Variants in RPTOR observed in about 807,000 individuals in gnomAD.
RPTOR encodes regulatory associated protein of MTOR complex 1.
A neutral mutation model predicts 169.9 loss-of-function variants in RPTOR; 21 were observed. The observed-to-expected ratio is 0.12, with a 90% CI of 0.09 to 0.18. The LOEUF is 0.18. Among genes scored for constraint, RPTOR ranks in the 10% least tolerant of loss-of-function variants. The pLI is 1.00. For synonymous variants in RPTOR, 732 were observed against 753.2 expected (o/e 0.97, Z 0.46); for missense variants, 1,133 against 1,855.9 (o/e 0.61, Z 7.16).
At chr17:80,634,378 G>GCA (rs1567830760) in intron 2 of RPTOR, among the ~76,000 whole-genome samples, 10 of 143,920 alleles carry the variant, frequency 6.9e-5, no homozygotes, top group African/African-American at 2.6e-4. Context: ...TACTGTGTGT[G>GCA]TGCATACTGT....
Position 80,830,435 on chromosome 17 carries a change from T to G in RPTOR, c.1136+7212T>G, listed in dbSNP as rs2067490450. Among the ~76,000 whole-genome samples the G allele has an allele frequency of 3.3e-5, 5 of 152,274 alleles. No individual in the cohort carries two copies. In the South Asian group the frequency reaches 1.0e-3, roughly 31 times the overall value. On this transcript the variant is annotated intron_variant, in intron 9 of 33. Coordinates refer to ENST00000306801, the MANE Select transcript of RPTOR (RefSeq NM_020761.3). Reference sequence around the variant, plus strand: ...TGCAGAAAATTTATCGGAATGACTTTAACGGTAGTAGACCACCCCCCAATT... The same window carrying G: ...TGCAGAAAATTTATCGGAATGACTTGAACGGTAGTAGACCACCCCCCAATT...
At chr17:80,790,941 C>T (rs2067041448) in intron 6 of RPTOR, among the ~76,000 whole-genome samples, 1 of 152,202 alleles carries the variant, frequency 6.6e-6, no homozygotes. Flanking sequence ...GCTCCACACG[C>T]GCTCCTAAGG....
chr17:80,599,838 G>A (rs952812228), intron 1 of RPTOR, among the ~76,000 whole-genome samples: 1 of 152,188 alleles, frequency 6.6e-6, no homozygotes, highest in Non-Finnish European at 1.5e-5. Context: ...TTGTTGCTGT[G>A]GGAAAGAGGA....
chr17:80,615,146 A>G (rs1162407360), intron 1 of RPTOR, among the ~76,000 whole-genome samples: 1 of 152,200 alleles, frequency 6.6e-6, no homozygotes, highest in Admixed American at 6.5e-5. Flanking sequence ...AAGGATCTCC[A>G]GAAGACCCGA....
chr17:80,555,822 G>C (rs2084400606), intron 1 of RPTOR, among the ~76,000 whole-genome samples: 1 of 152,088 alleles, frequency 6.6e-6, no homozygotes, highest in Admixed American at 6.6e-5. Flanking sequence ...GGGAGTTGTT[G>C]TGCATAAATT....
intron 28 of RPTOR, among the ~76,000 whole-genome samples, chr17:80,953,030 A>G (rs1435244041): frequency 2.6e-5 from 4 of 151,182 alleles, no homozygotes; most frequent in Non-Finnish European, 5.9e-5. Context: ...ACGCCTGGCT[A>G]ATTTTTGTAT....
rs552160949 is a variant in RPTOR at position 80,957,948 on chromosome 17, A to G, written c.3477+218A>G. Among the ~76,000 whole-genome samples the G allele has an allele frequency of 1.3e-5, 2 of 152,368 alleles. No homozygotes were observed. Among genetic ancestry groups the G allele is most frequent in the South Asian group, 4.1e-4 (2 of 4,832 alleles). On this transcript the variant is annotated intron_variant, in intron 29 of 33. Coordinates refer to ENST00000306801, the MANE Select transcript of RPTOR (RefSeq NM_020761.3). The surrounding 1 kb of genome is among the most constrained non-coding windows in gnomAD (Gnocchi z 4.6). ...ACTGCAACACCCAGCCCTGCGCTGC[A>G]GTATGGCTCAGGCTGCGCCAGCTCT...
At chr17:80,665,024 C>T (rs1288204635) in intron 3 of RPTOR, among the ~76,000 whole-genome samples, 1 of 152,178 alleles carries the variant, frequency 6.6e-6, no homozygotes, top group Non-Finnish European at 1.5e-5. Context: ...TTTCTCCCTC[C>T]TTTCTTCCCT....
intron 11 of RPTOR, among the ~76,000 whole-genome samples, chr17:80,853,451 T>C (rs2067816950): frequency 1.3e-5 from 2 of 152,118 alleles, no homozygotes; most frequent in African/African-American, 4.8e-5. Flanking sequence ...GGCATGGTGA[T>C]GGGGCGGTCA....
chr17:80,751,239 G>A (rs930836490), intron 5 of RPTOR, among the ~76,000 whole-genome samples: 3 of 152,152 alleles, frequency 2.0e-5, no homozygotes, highest in Non-Finnish European at 2.9e-5. Context: ...GGCAGCTTTC[G>A]TGTTGGCGTC....
chr17:80,632,566 G>A (rs573317032), intron 2 of RPTOR, among the ~76,000 whole-genome samples: 1 of 152,296 alleles, frequency 6.6e-6, no homozygotes, highest in East Asian at 1.9e-4. Flanking sequence ...TTTTCCTGCA[G>A]TTTAGGAATA....
At chr17:80,626,804 A>G (rs1320740867) in intron 2 of RPTOR, among the ~76,000 whole-genome samples, 3 of 114,712 alleles carry the variant, frequency 2.6e-5, no homozygotes, top group African/African-American at 9.4e-5. Flanking sequence ...TATTATTATT[A>G]TTATTATTTT....
intron 12 of RPTOR, among the ~76,000 whole-genome samples, chr17:80,855,756 G>A (rs867237138): frequency 5.3e-5 from 8 of 152,198 alleles, no homozygotes; most frequent in African/African-American, 1.9e-4. Flanking sequence ...GCTGCCTGGC[G>A]TTTGGGGGTC....
chr17:80,923,739 G>A (rs764279165), intron 23 of RPTOR, 66 bp downstream of exon 23: 15 of 1,465,230 alleles, frequency 1.0e-5, no homozygotes, highest in Non-Finnish European at 1.4e-5. Context: ...GGGGGCTCAT[G>A]GCCTCAGCCT....
At chr17:80,577,261 C>T (rs1209294179) in intron 1 of RPTOR, among the ~76,000 whole-genome samples, 1 of 152,106 alleles carries the variant, frequency 6.6e-6, no homozygotes, top group Admixed American at 6.5e-5. Context: ...AACTCCTGAC[C>T]TCAGGCAATC....
chr17:80,636,247 C>A (rs552395916), intron 2 of RPTOR, among the ~76,000 whole-genome samples: 1 of 152,042 alleles, frequency 6.6e-6, no homozygotes, highest in Non-Finnish European at 1.5e-5. Flanking sequence ...CCTCCGCCGC[C>A]CCAACTCTAG....
intron 3 of RPTOR, among the ~76,000 whole-genome samples, chr17:80,662,708 A>G (rs2065734058): frequency 6.6e-6 from 1 of 152,182 alleles, no homozygotes; most frequent in Non-Finnish European, 1.5e-5. Context: ...AAGGAATTAT[A>G]GAAAGGCAAG....
intron 13 of RPTOR, among the ~76,000 whole-genome samples, chr17:80,863,297 C>T (rs2067941356): frequency 6.6e-6 from 1 of 152,010 alleles, no homozygotes; most frequent in African/African-American, 2.4e-5. Flanking sequence ...GAGGGCCTCC[C>T]CCAGCATCAC....
At chr17:80,791,170 C>T (rs764235767) in intron 6 of RPTOR, among the ~76,000 whole-genome samples, 3 of 152,162 alleles carry the variant, frequency 2.0e-5, no homozygotes, top group African/African-American at 4.8e-5. Context: ...AGCATCTCGG[C>T]GCTCCTCTCC....
Sources: gnomAD v4.1 joint callset for allele counts (sites outside exome capture counted in the v4.1 genomes callset) on GRCh38, gnomAD v4.1.1 for gene constraint, Gnocchi (gnomAD v3.1) non-coding constraint, MANE v1.5 for transcripts, NCBI Gene and HGNC (gene_info 2026-07-23, HGNC 2026-07-21) for gene names.